NTM: variants seen among roughly 807,000 people sequenced by gnomAD.
NTM encodes the protein neurotrimin.
In NTM, 13 loss-of-function variants were observed where a neutral mutation model predicts 42.1. That is an observed-to-expected ratio of 0.31 (90% confidence interval 0.20 to 0.49). The LOEUF is 0.49. Ranked by LOEUF, NTM falls within the 20% of genes least tolerant of loss-of-function variation. The probability of loss-of-function intolerance (pLI) is 0.99; values close to 1 mark genes in which losing one functional copy is unlikely to be tolerated. For missense variants in NTM, 373 were observed against 452.8 expected, an observed-to-expected ratio of 0.82 and a Z score of 1.60; for synonymous variants, 187 against 179.2, an observed-to-expected ratio of 1.04 and a Z score of -0.35.
intron 1 of NTM, among the ~76,000 whole-genome samples, chr11:131,621,736 G>C (rs1238108382): frequency 6.6e-6 from 1 of 151,142 alleles, no homozygotes; most frequent in Non-Finnish European, 1.5e-5. Flanking sequence ...GTGGAATGAT[G>C]GCTTGAGTCT....
At chr11:131,374,454 C>A (rs553858600) in intron 1 of NTM, among the ~76,000 whole-genome samples, 1 of 152,258 alleles carries the variant, frequency 6.6e-6, no homozygotes, top group African/African-American at 2.4e-5. Flanking sequence ...TTTTTGGTTC[C>A]CTTAAAGCCA....
At chr11:131,482,445 G>A (rs1183976557) in intron 1 of NTM, among the ~76,000 whole-genome samples, 1 of 152,170 alleles carries the variant, frequency 6.6e-6, no homozygotes, top group East Asian at 1.9e-4. Flanking sequence ...CGACAAAAGC[G>A]TGACATCCTC....
intron 1 of NTM, among the ~76,000 whole-genome samples, chr11:131,759,285 G>T (rs984921906): frequency 5.3e-5 from 8 of 152,194 alleles, no homozygotes; most frequent in African/African-American, 1.9e-4. Flanking sequence ...CAGGGAATGA[G>T]AAATTAATTC....
intron 1 of NTM, among the ~76,000 whole-genome samples, chr11:131,374,825 C>T (rs10750477): frequency 0.25 from 37,668 of 152,028 alleles, 5,228 homozygotes; most frequent in East Asian, 0.59. Context: ...ATGATTCTGA[C>T]GTGTACAGAA....
At chr11:131,601,573 A>T (rs1163202483) in intron 1 of NTM, among the ~76,000 whole-genome samples, 1 of 151,160 alleles carries the variant, frequency 6.6e-6, no homozygotes, top group African/African-American at 2.4e-5. Flanking sequence ...CCCACCTCAA[A>T]CCCCCTTCCC....
intron 2 of NTM, among the ~76,000 whole-genome samples, chr11:132,124,185 G>T (rs2065289393): frequency 6.6e-6 from 1 of 152,048 alleles, no homozygotes; most frequent in Non-Finnish European, 1.5e-5. Context: ...CTTCCTTTCT[G>T]CTATTGCCCC....
intron 1 of NTM, among the ~76,000 whole-genome samples, chr11:131,572,701 G>A (rs1020852911): frequency 5.9e-5 from 9 of 152,260 alleles, no homozygotes; most frequent in East Asian, 1.9e-4. Flanking sequence ...AGCTTAAAAA[G>A]CCCACGTCAC....
intron 1 of NTM, among the ~76,000 whole-genome samples, chr11:131,405,359 C>A (rs147606406): frequency 2.0e-4 from 30 of 152,274 alleles, no homozygotes; most frequent in African/African-American, 7.0e-4. Flanking sequence ...CTATCTTCTG[C>A]CCCAGTGAGA....
At chr11:132,009,856 C>T (rs963092611) in intron 2 of NTM, among the ~76,000 whole-genome samples, 9 of 152,138 alleles carry the variant, frequency 5.9e-5, no homozygotes, top group African/African-American at 2.2e-4. Context: ...CTCAGAGGAA[C>T]AGAAGGATGG....
intron 1 of NTM, among the ~76,000 whole-genome samples, chr11:131,726,998 G>T (rs2079052613): frequency 1.3e-5 from 2 of 151,356 alleles, no homozygotes; most frequent in Admixed American, 1.3e-4. Context: ...CCATGCCATT[G>T]CTCTTGAAGC....
At chr11:131,414,675 A>C (rs1186943225) in intron 1 of NTM, among the ~76,000 whole-genome samples, 1 of 152,172 alleles carries the variant, frequency 6.6e-6, no homozygotes, top group African/African-American at 2.4e-5. Flanking sequence ...AAGTACTGGC[A>C]TGTGATGGAC....
chr11:131,483,804 A>T (rs1397966668), intron 1 of NTM, among the ~76,000 whole-genome samples: 1 of 152,182 alleles, frequency 6.6e-6, no homozygotes, highest in Non-Finnish European at 1.5e-5. Flanking sequence ...GCAGTGGGGG[A>T]AGCAGAGCCT....
chr11:131,948,573 T>C (rs1447830887), intron 2 of NTM, among the ~76,000 whole-genome samples: 1 of 152,136 alleles, frequency 6.6e-6, no homozygotes, highest in African/African-American at 2.4e-5. Flanking sequence ...TGATTGCTTG[T>C]CCTAAAATCA....
At chr11:131,479,640 CT>C (rs1236853091) in intron 1 of NTM, among the ~76,000 whole-genome samples, 3 of 152,134 alleles carry the variant, frequency 2.0e-5, no homozygotes, top group African/African-American at 7.2e-5. Context: ...AAGAATGGTT[CT>C]GGAAATCTGT....
intron 1 of NTM, among the ~76,000 whole-genome samples, chr11:131,374,057 C>T (rs925357739): frequency 6.6e-6 from 1 of 152,206 alleles, no homozygotes; most frequent in Non-Finnish European, 1.5e-5. Context: ...CAGACGAGAC[C>T]ATAGCAATAT....
intron 3 of NTM, among the ~76,000 whole-genome samples, chr11:132,168,547 A>G (rs910854525): frequency 3.7e-4 from 57 of 152,002 alleles, no homozygotes; most frequent in African/African-American, 1.2e-3. Context: ...TGCCAACTCA[A>G]CCTCCTCTGG....
At chr11:131,525,148 G>GC (rs1360999223) in intron 1 of NTM, among the ~76,000 whole-genome samples, 1 of 152,236 alleles carries the variant, frequency 6.6e-6, no homozygotes, top group South Asian at 2.1e-4. Flanking sequence ...AAGGGACATG[G>GC]CCCCAGAGAG....
chr11:132,213,889 T>C lies in NTM; in HGVS notation c.526+1742T>C, dbSNP rs972212092. ...AGCTGGGACTACAGGCGCCCGCCAC[T>C]ACGCCCGGCTAATTTTTTGTATTTT... is the stretch of plus-strand genomic sequence containing the variant. On this transcript the variant is annotated intron_variant, in intron 4 of 8. Transcript: ENST00000683400. Among the ~76,000 whole-genome samples, 2 of 115,766 alleles carry C rather than the reference T, an allele frequency of 1.7e-5. 1 individual carries two copies. The highest frequency in any genetic ancestry group is 3.9e-5 in the Non-Finnish European group (2 of 50,902). 75.9% of individuals were successfully genotyped at this position (115,766 alleles called of 152,430 possible).
At chr11:132,166,269 T>C (rs1018793112) in intron 3 of NTM, among the ~76,000 whole-genome samples, 5 of 152,128 alleles carry the variant, frequency 3.3e-5, no homozygotes, top group Admixed American at 3.3e-4. Flanking sequence ...TAATGTCAGT[T>C]TTGCAATGAG....
Sources: gnomAD v4.1 joint callset for allele counts (sites outside exome capture counted in the v4.1 genomes callset) on GRCh38, gnomAD v4.1.1 for gene constraint, MANE v1.5 for transcripts, NCBI Gene and HGNC (gene_info 2026-07-23, HGNC 2026-07-21) for gene names.